TP63: variants seen among roughly 807,000 people sequenced by gnomAD.
TP63 encodes tumor protein 63.
In TP63, 17 loss-of-function variants were observed where a neutral mutation model predicts 82.8. The ratio of observed to expected loss-of-function variants is 0.21; its 90% CI spans 0.14 to 0.31. The LOEUF is 0.31. Ranked by LOEUF, TP63 falls within the 10% of genes least tolerant of loss-of-function variation. TP63 has a pLI of 1.00. For synonymous variants in TP63, 330 were observed against 321.7 expected, an observed-to-expected ratio of 1.03 and a Z score of -0.28; for missense variants, 648 against 895.3, an observed-to-expected ratio of 0.72 and a Z score of 3.52.
the TP63 span, among the ~76,000 whole-genome samples, chr3:189,622,347 A>G: frequency 1.3e-5 from 2 of 152,212 alleles, no homozygotes. Flanking sequence ...TTGAGAGTCA[A>G]AAGCAAAAAT....
chr3:189,629,368 G>T (rs572979795), upstream of TP63, among the ~76,000 whole-genome samples: 1 of 152,058 alleles, frequency 6.6e-6, no homozygotes, highest in South Asian at 2.1e-4. Flanking sequence ...GGGTGACAGT[G>T]CAAGAAGCTG....
At chr3:189,762,492 C>G (rs1431571613) in intron 3 of TP63, among the ~76,000 whole-genome samples, 1 of 152,086 alleles carries the variant, frequency 6.6e-6, no homozygotes, top group Non-Finnish European at 1.5e-5. Flanking sequence ...AGACCCATCT[C>G]TAAGATAATT....
At position 189,738,775 on chromosome 3, in the gene TP63, G is replaced by C; in HGVS notation, c.324+1G>C. 6.2e-7 allele frequency: 1 copy of C among 1,614,064 alleles called. No homozygotes were observed. Among genetic ancestry groups the C allele is most frequent in the Non-Finnish European group, 8.5e-7 (1 of 1,179,970 alleles). The stretch of plus-strand genomic sequence containing the variant: ...CTCGGACCTGAGTGACCCCATGTGG[G>C]TGAGTGGCACAGGCTTTCTCTTCAG... On this transcript the variant is annotated splice_donor_variant, in intron 3 of 13. Coordinates refer to ENST00000264731, the MANE Select transcript of TP63 (RefSeq NM_003722.5). LOFTEE classifies it high-confidence loss of function.
At chr3:189,823,303 C>T (rs1446601332) in intron 4 of TP63, among the ~76,000 whole-genome samples, 1 of 152,136 alleles carries the variant, frequency 6.6e-6, no homozygotes, top group Non-Finnish European at 1.5e-5. Context: ...TAGGGTAAGG[C>T]TTTTTAACTC....
At chr3:189,718,215 G>A (rs1719107933) in intron 1 of TP63, among the ~76,000 whole-genome samples, 1 of 152,080 alleles carries the variant, frequency 6.6e-6, no homozygotes, top group Admixed American at 6.6e-5. Context: ...TGGGATAGGA[G>A]TGATCTTGTG....
intron 1 of TP63, among the ~76,000 whole-genome samples, chr3:189,724,747 A>C (rs1380349624): frequency 6.6e-6 from 1 of 152,200 alleles, no homozygotes; most frequent in African/African-American, 2.4e-5. Flanking sequence ...CTCTGTTCAC[A>C]TTCTGTATTC....
At chr3:189,600,046 C>T in the TP63 span, among the ~76,000 whole-genome samples, 3 of 151,982 alleles carry the variant, frequency 2.0e-5, no homozygotes, top group South Asian at 4.2e-4. Context: ...AATAATATGT[C>T]GAAGAGGCAA....
chr3:189,864,846 A>C (rs1258688807), intron 5 of TP63, among the ~76,000 whole-genome samples: 1 of 151,888 alleles, frequency 6.6e-6, no homozygotes, highest in East Asian at 1.9e-4. Context: ...CTCTACTAAA[A>C]ATACAAAAAA....
intron 3 of TP63, among the ~76,000 whole-genome samples, chr3:189,739,969 G>C (rs1373497860): frequency 6.6e-6 from 1 of 152,036 alleles, no homozygotes; most frequent in African/African-American, 2.4e-5. Context: ...TGGAATTTTT[G>C]CTATGTACTT....
chr3:189,768,443 C>G (rs984852885), intron 3 of TP63, among the ~76,000 whole-genome samples: 1 of 152,054 alleles, frequency 6.6e-6, no homozygotes, highest in Admixed American at 6.5e-5. Flanking sequence ...TTTAAAATAT[C>G]TCGAATCACA....
chr3:189,691,338 CAAAAA>C (rs781098833), intron 1 of TP63, among the ~76,000 whole-genome samples: 4 of 67,110 alleles, frequency 6.0e-5, no homozygotes, highest in Admixed American at 5.9e-4. Context: ...GACTCCATCT[CAAAAA>C]AAAAAAAAAA....
intron 10 of TP63, among the ~76,000 whole-genome samples, chr3:189,882,673 A>T (rs890993302): frequency 1.3e-5 from 2 of 152,168 alleles, no homozygotes; most frequent in African/African-American, 2.4e-5. Flanking sequence ...AATTCTAGAC[A>T]TCTAGGAGGT....
chr3:189,887,149 C>T (rs1413825679), intron 11 of TP63, among the ~76,000 whole-genome samples: 2 of 146,994 alleles, frequency 1.4e-5, no homozygotes, highest in Non-Finnish European at 3.0e-5. Flanking sequence ...GCAGAGGTTG[C>T]AGTAAGGTGA....
chr3:189,776,827 G>A (rs958819650), intron 3 of TP63, among the ~76,000 whole-genome samples: 4 of 152,306 alleles, frequency 2.6e-5, no homozygotes, highest in South Asian at 2.1e-4. Flanking sequence ...ACTTCTCTAC[G>A]CAGGATAAGA....
intron 9 of TP63, among the ~76,000 whole-genome samples, chr3:189,871,976 G>A (rs1481211029): frequency 1.3e-5 from 2 of 152,070 alleles, no homozygotes; most frequent in African/African-American, 4.8e-5. Context: ...CCAAATTGCC[G>A]GGATTGTAGG....
At chr3:189,800,901 A>C (rs923973906) in intron 3 of TP63, among the ~76,000 whole-genome samples, 2 of 152,114 alleles carry the variant, frequency 1.3e-5, no homozygotes, top group African/African-American at 2.4e-5. Context: ...CAGAGTTTTA[A>C]AATTTATTTT....
chr3:189,882,471 T>A (rs923921868), intron 10 of TP63, among the ~76,000 whole-genome samples: 9 of 151,816 alleles, frequency 5.9e-5, no homozygotes, highest in Admixed American at 1.3e-4. Context: ...TCCCTTTTTT[T>A]TTTTTTTTTC....
intron 3 of TP63, among the ~76,000 whole-genome samples, chr3:189,796,917 A>G (rs1560192548): frequency 6.6e-6 from 1 of 152,124 alleles, no homozygotes; most frequent in Non-Finnish European, 1.5e-5. Context: ...AAGACAAAGT[A>G]CAAATGGATC....
chr3:189,601,994 A>G, the TP63 span, among the ~76,000 whole-genome samples: 1 of 152,172 alleles, frequency 6.6e-6, no homozygotes, highest in Admixed American at 6.5e-5. Flanking sequence ...ATGATGCCTG[A>G]TAGTAGTGAG....
Sources: allele counts gnomAD v4.1 joint callset (sites outside exome capture counted in the v4.1 genomes callset), GRCh38; gene constraint gnomAD v4.1.1; transcripts MANE v1.5; gene names NCBI Gene and HGNC (gene_info 2026-07-23, HGNC 2026-07-21).